NDEL1: variants seen among roughly 807,000 people sequenced by gnomAD.
NDEL1 encodes the protein nuclear distribution protein nudE-like 1.
A neutral mutation model predicts 45.7 loss-of-function variants in NDEL1; 9 were observed. That is an observed-to-expected ratio of 0.20 (90% CI 0.12 to 0.34). The LOEUF (loss-of-function observed/expected upper bound fraction) is 0.34, where lower values mean the gene tolerates loss of function less well. NDEL1 is among the 10% of genes least tolerant of loss of function. NDEL1 has a pLI of 1.00. For missense variants in NDEL1, 306 were observed against 406.2 expected, an observed-to-expected ratio of 0.75 and a Z score of 2.12; for synonymous variants, 133 against 158.6, an observed-to-expected ratio of 0.84 and a Z score of 1.21.
chr17:8,459,532 A>T (rs1911064456), intron 7 of NDEL1, among the ~76,000 whole-genome samples: 3 of 152,226 alleles, frequency 2.0e-5, no homozygotes. Flanking sequence ...AAATGTTCTC[A>T]TCCATTCTCA....
At chr17:8,433,827 A>G (rs1018558764), upstream of NDEL1, among the ~76,000 whole-genome samples, 5 of 152,190 alleles carry the variant, frequency 3.3e-5, no homozygotes, top group African/African-American at 1.2e-4. Flanking sequence ...TGTGCAAAAA[A>G]AAAATTGGAA....
At chr17:8,462,612 G>A (rs1911281317) in intron 8 of NDEL1, among the ~76,000 whole-genome samples, 2 of 152,184 alleles carry the variant, frequency 1.3e-5, no homozygotes, top group African/African-American at 2.4e-5. Flanking sequence ...AAGCCTGTCT[G>A]TGTAGAAGTG....
chr17:8,424,969 G>C (rs1287691801), intron 1 of NDEL1, among the ~76,000 whole-genome samples: 3 of 152,124 alleles, frequency 2.0e-5, no homozygotes, highest in African/African-American at 7.2e-5. Flanking sequence ...GCCTAGCCGA[G>C]GTTCCACGTT....
chr17:8,468,322 C>T (rs549583261), downstream of NDEL1, among the ~76,000 whole-genome samples: 6 of 152,200 alleles, frequency 3.9e-5, no homozygotes, highest in South Asian at 8.3e-4. Flanking sequence ...GCGGAGCAGG[C>T]GTCCTCATGC....
intron 1 of NDEL1, among the ~76,000 whole-genome samples, chr17:8,439,353 GCCTCAGCCT>G (rs1490733708): frequency 6.6e-6 from 1 of 151,124 alleles, no homozygotes; most frequent in Non-Finnish European, 1.5e-5. Flanking sequence ...CGATTCTCCT[GCCTCAGCCT>G]CCTGAGTAGC....
Position 8,467,045 on chromosome 17 carries a change from G to A in NDEL1, c.*22G>A. 3 of 1,611,990 alleles carry A rather than the reference G, an allele frequency of 1.9e-6. No individual in the cohort carries two copies. Among genetic ancestry groups the A allele is most frequent in the Non-Finnish European group, 2.5e-6 (3 of 1,178,534 alleles). On this transcript the variant is annotated 3_prime_UTR_variant, in exon 9 of 9. Coordinates refer to ENST00000334527, the MANE Select transcript of NDEL1 (RefSeq NM_030808.5). The surrounding 1 kb of genome is among the most constrained non-coding windows in gnomAD (Gnocchi z 6.3). ...GTGAGTGCCTAGCCTCCAGGTGGGG[G>A]CTCCTGCCCTCCTCCAACAACCCAG...
chr17:8,474,265 T>C (rs1316214549), intron 3 of NDEL1: 1 of 152,664 alleles, frequency 6.6e-6, no homozygotes, highest in African/African-American at 2.4e-5. Flanking sequence ...CGGGTGCTTT[T>C]TTCTTCAAGT....
chr17:8,433,389 G>T (rs901771914), upstream of NDEL1, among the ~76,000 whole-genome samples: 1 of 152,118 alleles, frequency 6.6e-6, no homozygotes, highest in South Asian at 2.1e-4. Context: ...GCTGCTGTGG[G>T]CTTCATCTTC....
intron 4 of NDEL1, among the ~76,000 whole-genome samples, chr17:8,448,310 CT>C (rs1180706807): frequency 6.6e-6 from 1 of 152,082 alleles, no homozygotes; most frequent in African/African-American, 2.4e-5. Context: ...AACAAATAGC[CT>C]TTCTGTAGGG....
At chr17:8,437,542 T>C (rs1195472552) in intron 1 of NDEL1, among the ~76,000 whole-genome samples, 1 of 152,186 alleles carries the variant, frequency 6.6e-6, no homozygotes, top group Non-Finnish European at 1.5e-5. Context: ...GAGCACTCCA[T>C]AAAGTAAAAA....
At chr17:8,428,881 G>A (rs1340820743) in intron 1 of NDEL1, among the ~76,000 whole-genome samples, 2 of 151,664 alleles carry the variant, frequency 1.3e-5, no homozygotes, top group Non-Finnish European at 2.9e-5. Context: ...CACCGTGTTA[G>A]CCAAGATGGT....
At chr17:8,421,716 G>A (rs903681065) in intron 1 of NDEL1, among the ~76,000 whole-genome samples, 5 of 152,230 alleles carry the variant, frequency 3.3e-5, no homozygotes, top group Admixed American at 6.5e-5. Flanking sequence ...AGATGCCCAT[G>A]AAGTGGTTCA....
chr17:8,449,288 G>A (rs1444706842), intron 5 of NDEL1, among the ~76,000 whole-genome samples: 2 of 152,046 alleles, frequency 1.3e-5, no homozygotes, highest in Non-Finnish European at 2.9e-5. Flanking sequence ...GCCCCATCCA[G>A]CTAATTAAGA....
chr17:8,441,673 C>A (rs1248974854), intron 1 of NDEL1, among the ~76,000 whole-genome samples: 2 of 152,064 alleles, frequency 1.3e-5, no homozygotes, highest in Non-Finnish European at 2.9e-5. Flanking sequence ...ATATATCTAG[C>A]TTCTCACTTG....
chr17:8,436,970 C>G (rs557934982), intron 1 of NDEL1, among the ~76,000 whole-genome samples: 5 of 152,244 alleles, frequency 3.3e-5, no homozygotes, highest in African/African-American at 9.6e-5. Context: ...CCCTTCTCAG[C>G]TACAAAACAA....
At chr17:8,452,122 G>C (rs539535958) in intron 6 of NDEL1, among the ~76,000 whole-genome samples, 96 of 152,276 alleles carry the variant, frequency 6.3e-4, no homozygotes, top group African/African-American at 2.2e-3. Context: ...TGAGGACAAA[G>C]GGCAGGCAAT....
At chr17:8,463,388 T>G (rs764258346) in intron 8 of NDEL1, 2 of 1,599,952 alleles carry the variant, frequency 1.3e-6, no homozygotes, top group Non-Finnish European at 1.7e-6. Flanking sequence ...TCTTTTTCAT[T>G]CTTTCTTAAT....
downstream of NDEL1, among the ~76,000 whole-genome samples, chr17:8,472,674 C>G (rs201026952): frequency 6.6e-6 from 1 of 151,810 alleles, no homozygotes; most frequent in Non-Finnish European, 1.5e-5. Context: ...GGAAAAAAAA[C>G]AAGTTGTTAT....
chr17:8,444,271 C>G lies in NDEL1; in HGVS notation c.-1C>G. On this transcript the variant is annotated 5_prime_UTR_variant, in exon 2 of 9. It adds an upstream start codon to the 5' untranslated region. Transcript: ENST00000334527. ...TTAATATTTCACAGGCTTTCTTGAT[C>G]ATGGATGGTGAAGATATACCAGATT... The G allele has an allele frequency of 1.9e-6, 3 of 1,604,770 alleles. No individual in the cohort carries two copies. Among genetic ancestry groups the G allele is most frequent in the Admixed American group, 1.7e-5 (1 of 59,682 alleles).
Sources: allele counts gnomAD v4.1 joint callset (sites outside exome capture counted in the v4.1 genomes callset), GRCh38; gene constraint gnomAD v4.1.1; non-coding constraint Gnocchi (gnomAD v3.1); transcripts MANE v1.5; gene names NCBI Gene and HGNC (gene_info 2026-07-23, HGNC 2026-07-21).